KIRREL3: variants seen among roughly 807,000 people sequenced by gnomAD.
The protein encoded by KIRREL3 is kirre like nephrin family adhesion molecule 3, also known as kin of IRRE-like protein 3.
In KIRREL3, 36 loss-of-function variants were observed where a neutral mutation model predicts 89.7. That is an observed-to-expected ratio of 0.40 (90% CI 0.31 to 0.53). KIRREL3 has a LOEUF of 0.53. KIRREL3 is among the 20% of genes least tolerant of loss of function. The pLI, the probability that KIRREL3 is intolerant of heterozygous loss-of-function variation, is 0.49. For synonymous variants in KIRREL3, 445 were observed against 441.4 expected, an observed-to-expected ratio of 1.01 and a Z score of -0.10; for missense variants, 864 against 1,056.6, an observed-to-expected ratio of 0.82 and a Z score of 2.53.
Position 126,563,846 on chromosome 11 carries a change from G to A in KIRREL3, c.56-934C>T, listed in dbSNP as rs1346432463. ...TCACTTTATGGATCCTGAAGCAATA[G>A]CACACTAATTTTTTTGACCCCCCTC... On this transcript the variant is annotated intron_variant, in intron 1 of 16. Coordinates refer to ENST00000525144, the MANE Select transcript of KIRREL3 (RefSeq NM_032531.4). This position sits in a 1 kb window ranked among gnomAD's most constrained non-coding sequence, Gnocchi z 6.8. Among the ~76,000 whole-genome samples the A allele has an allele frequency of 6.6e-6, 1 of 152,116 alleles. No homozygotes were observed. Among genetic ancestry groups the A allele is most frequent in the African/African-American group, 2.4e-5 (1 of 41,390 alleles).
At chr11:126,836,061 C>T (rs1943770374) in intron 1 of KIRREL3, among the ~76,000 whole-genome samples, 1 of 152,210 alleles carries the variant, frequency 6.6e-6, no homozygotes, top group Non-Finnish European at 1.5e-5. Context: ...GGACAAAGCT[C>T]TGCATTCTGT....
chr11:126,697,423 G>C lies in KIRREL3; in HGVS notation c.56-134511C>G, dbSNP rs1947143560. On this transcript the variant is annotated intron_variant, in intron 1 of 16. Coordinates refer to ENST00000525144, the MANE Select transcript of KIRREL3 (RefSeq NM_032531.4). The surrounding 1 kb of genome is among the most constrained non-coding windows in gnomAD (Gnocchi z 4.2). ...AACATGAGGGTAATAGTTCCCAGTT[G>C]CCAAAGCTTTTCCCACAGACCCTGA... is the stretch of plus-strand genomic sequence containing the variant. Among the ~76,000 whole-genome samples, 1 of 152,130 alleles carries C rather than the reference G, an allele frequency of 6.6e-6. No homozygotes were observed. Among genetic ancestry groups the C allele is most frequent in the Non-Finnish European group, 1.5e-5 (1 of 68,026 alleles).
Position 126,772,678 on chromosome 11 carries a change from C to A in KIRREL3, c.56-209766G>T, listed in dbSNP as rs1378509772. Among the ~76,000 whole-genome samples, 1 of 152,204 alleles carries A rather than the reference C, an allele frequency of 6.6e-6. No homozygotes were observed. The highest frequency in any genetic ancestry group is 1.5e-5 in the Non-Finnish European group (1 of 68,036). On this transcript the variant is annotated intron_variant, in intron 1 of 16. Coordinates refer to ENST00000525144, the MANE Select transcript of KIRREL3 (RefSeq NM_032531.4). This position sits in a 1 kb window ranked among gnomAD's most constrained non-coding sequence, Gnocchi z 4.6. ...CTCTCCTGGTACTCATGCCCACCCC[C>A]TAACTGCCTCAGCCTTGAAAGCTCT...
intron 6 of KIRREL3, among the ~76,000 whole-genome samples, chr11:126,457,884 G>A (rs1381747348): frequency 1.3e-5 from 2 of 152,182 alleles, no homozygotes; most frequent in East Asian, 1.9e-4. Flanking sequence ...CAGCTCGAGG[G>A]GGCTGCAGCA....
chr11:126,457,431 G>C (rs534366034), intron 6 of KIRREL3, among the ~76,000 whole-genome samples: 1 of 151,722 alleles, frequency 6.6e-6, no homozygotes, highest in Non-Finnish European at 1.5e-5. Flanking sequence ...GTGTCTATGC[G>C]TGTGTGTATG....
intron 1 of KIRREL3, among the ~76,000 whole-genome samples, chr11:126,962,782 T>G (rs947340750): frequency 5.3e-5 from 8 of 152,112 alleles, no homozygotes; most frequent in Admixed American, 3.3e-4. Context: ...TGGTCTTATT[T>G]TAAGAAATTG....
At chr11:126,552,659 C>T (rs543917173) in intron 2 of KIRREL3, among the ~76,000 whole-genome samples, 1 of 136,186 alleles carries the variant, frequency 7.3e-6, no homozygotes, top group South Asian at 2.5e-4. Context: ...CTCCCGGGTT[C>T]AAGTGATTCT....
At chr11:126,700,943 G>T (rs1325445644) in intron 1 of KIRREL3, among the ~76,000 whole-genome samples, 1 of 152,180 alleles carries the variant, frequency 6.6e-6, no homozygotes, top group Non-Finnish European at 1.5e-5. Context: ...TGTAGACAAA[G>T]CTAGAATTAA....
At chr11:126,819,891 CAG>C (rs1943148357) in intron 1 of KIRREL3, among the ~76,000 whole-genome samples, 2 of 152,240 alleles carry the variant, frequency 1.3e-5, no homozygotes, top group African/African-American at 4.8e-5. Context: ...CCCAAACATT[CAG>C]AGTTGGACTT....
At chr11:126,577,632 G>A (rs1286519803) in intron 1 of KIRREL3, among the ~76,000 whole-genome samples, 1 of 150,890 alleles carries the variant, frequency 6.6e-6, no homozygotes, top group Non-Finnish European at 1.5e-5. Context: ...CGTGGTGGCA[G>A]GTGCCTGTAA....
Position 126,431,648 on chromosome 11 carries a change from C to T in KIRREL3, c.1589-122G>A, listed in dbSNP as rs1955136702. 2.0e-6 allele frequency: 2 copies of T among 979,722 alleles called. No individual in the cohort carries two copies. Among genetic ancestry groups the T allele is most frequent in the Non-Finnish European group, 3.0e-6 (2 of 656,018 alleles). The allele number at this position is 979,722 out of a possible 1,614,324, so 60.7% of individuals were successfully genotyped here. On this transcript the variant is annotated intron_variant, in intron 13 of 16. Coordinates refer to ENST00000525144, the MANE Select transcript of KIRREL3 (RefSeq NM_032531.4). The surrounding 1 kb of genome is among the most constrained non-coding windows in gnomAD (Gnocchi z 7.1). ...CATGGGGCCCTCCTGGGAAATGCCT[C>T]AGTGGGGCCTGGGCAGGCACAGGCC...
At position 126,669,987 on chromosome 11, in the gene KIRREL3, A is replaced by T. The variant is rs2135053457; in HGVS notation, c.56-107075T>A. Among the ~76,000 whole-genome samples, 1 of 152,306 alleles carries T rather than the reference A, an allele frequency of 6.6e-6. No homozygotes were observed. Among genetic ancestry groups the T allele is most frequent in the East Asian group, 1.9e-4 (1 of 5,182 alleles). ...ACCCCGTTGCTCAAGCTCATGCCTC[A>T]GTCTCCCCTGACTCTTCCCATTCCT... is the stretch of plus-strand genomic sequence containing the variant. On this transcript the variant is annotated intron_variant, in intron 1 of 16. Transcript: ENST00000525144. This position sits in a 1 kb window ranked among gnomAD's most constrained non-coding sequence, Gnocchi z 5.0.
intron 1 of KIRREL3, among the ~76,000 whole-genome samples, chr11:126,646,758 A>G (rs1177379716): frequency 6.6e-6 from 1 of 152,128 alleles, no homozygotes; most frequent in Non-Finnish European, 1.5e-5. Flanking sequence ...TACAGGAGTG[A>G]GCCACTGCGC....
At position 126,609,612 on chromosome 11, in the gene KIRREL3, G is replaced by T. The variant is rs1005530002; in HGVS notation, c.56-46700C>A. On this transcript the variant is annotated intron_variant, in intron 1 of 16. Transcript: ENST00000525144. The surrounding 1 kb of genome is among the most constrained non-coding windows in gnomAD (Gnocchi z 5.0). The stretch of plus-strand genomic sequence containing the variant: ...CTTTCTGGGGGGACCTCCGATGCAT[G>T]CTCACTTGTATAAAATCTAACTGGA... Among the ~76,000 whole-genome samples, 1 of 152,154 alleles carries T rather than the reference G, an allele frequency of 6.6e-6. No individual in the cohort carries two copies. The highest frequency in any genetic ancestry group is 1.5e-5 in the Non-Finnish European group (1 of 68,040).
chr11:126,617,517 G>T (rs2134824992), intron 1 of KIRREL3, among the ~76,000 whole-genome samples: 1 of 152,298 alleles, frequency 6.6e-6, no homozygotes, highest in Non-Finnish European at 1.5e-5. Flanking sequence ...CTCAGGAAAA[G>T]AAATATATGC....
Position 126,455,585 on chromosome 11 carries a change from G to T in KIRREL3, c.848+764C>A, listed in dbSNP as rs1166156608. On this transcript the variant is annotated intron_variant, in intron 7 of 16. Coordinates refer to ENST00000525144, the MANE Select transcript of KIRREL3 (RefSeq NM_032531.4). This position sits in a 1 kb window ranked among gnomAD's most constrained non-coding sequence, Gnocchi z 6.4. ...AGGTGGATCACGAGGTCAGGAGATC[G>T]AGACCATCCTGGCTAACACGGTGAA... is the stretch of plus-strand genomic sequence containing the variant. 6.6e-6 allele frequency among the ~76,000 whole-genome samples: 1 copy of T among 151,284 alleles called. No homozygotes were observed. The highest frequency in any genetic ancestry group is 1.5e-5 in the Non-Finnish European group (1 of 67,912).
Position 126,769,475 on chromosome 11 carries a change from C to T in KIRREL3, c.56-206563G>A, listed in dbSNP as rs533485873. On this transcript the variant is annotated intron_variant, in intron 1 of 16. Transcript: ENST00000525144. This position sits in a 1 kb window ranked among gnomAD's most constrained non-coding sequence, Gnocchi z 4.3. ...AGAGGGGCCCACTCCCCGTGAAAACCGTGCACTCCTGTCTTCTCTCTAACA... is the reference window on the plus strand; with the variant it reads ...AGAGGGGCCCACTCCCCGTGAAAACTGTGCACTCCTGTCTTCTCTCTAACA... 7.2e-5 allele frequency among the ~76,000 whole-genome samples: 11 copies of T among 152,228 alleles called. No individual in the cohort carries two copies. The South Asian group carries it at 1.7e-3, about 23-fold the overall frequency.
intron 2 of KIRREL3, chr11:126,549,485 C>G (rs1939086079): frequency 6.6e-6 from 1 of 152,182 alleles, no homozygotes; most frequent in South Asian, 2.1e-4. Flanking sequence ...TTCATCTCAG[C>G]CTGAACCTGC....
At chr11:126,799,002 C>T (rs1332456727) in intron 1 of KIRREL3, among the ~76,000 whole-genome samples, 5 of 151,956 alleles carry the variant, frequency 3.3e-5, no homozygotes, top group Non-Finnish European at 7.4e-5. Context: ...TGTGTATCAT[C>T]TGTGTGTGCC....
Sources: allele counts gnomAD v4.1 joint callset (sites outside exome capture counted in the v4.1 genomes callset), GRCh38; gene constraint gnomAD v4.1.1; non-coding constraint Gnocchi (gnomAD v3.1); transcripts MANE v1.5; gene names NCBI Gene and HGNC (gene_info 2026-07-23, HGNC 2026-07-21).